MBOAT2: variants seen among roughly 807,000 people sequenced by gnomAD.
MBOAT2 encodes the protein membrane bound glycerophospholipid O-acyltransferase 2.
In MBOAT2, 28 loss-of-function variants were observed where a neutral mutation model predicts 63.4. The ratio of observed to expected loss-of-function variants is 0.44; its 90% CI spans 0.33 to 0.61. The LOEUF is 0.61. Ranked by LOEUF, MBOAT2 falls within the 20% of genes least tolerant of loss-of-function variation. The pLI, the probability that MBOAT2 is intolerant of heterozygous loss-of-function variation, is 0.03. For synonymous variants in MBOAT2, 211 were observed against 215.6 expected (o/e 0.98, Z 0.19); for missense variants, 470 against 605.8 (o/e 0.78, Z 2.35).
chr2:8,860,571 TAG>T (rs747462434), intron 12 of MBOAT2, 40 bp downstream of exon 12: 3 of 1,584,874 alleles, frequency 1.9e-6, no homozygotes, highest in South Asian at 1.2e-5. Flanking sequence ...CTTTTGAAAA[TAG>T]AGTTATTCCC....
intron 3 of MBOAT2, among the ~76,000 whole-genome samples, chr2:8,934,983 G>A (rs1326298785): frequency 6.6e-6 from 1 of 152,184 alleles, no homozygotes; most frequent in Non-Finnish European, 1.5e-5. Flanking sequence ...AGTGCTGTGA[G>A]TACCGGCAGA....
chr2:8,890,484 A>G (rs1341042957), intron 4 of MBOAT2, among the ~76,000 whole-genome samples: 3 of 152,314 alleles, frequency 2.0e-5, no homozygotes, highest in Non-Finnish European at 1.5e-5. Flanking sequence ...AATCTCCAGC[A>G]TGTAGCACAG....
chr2:8,889,338 T>A (rs756479247), intron 4 of MBOAT2, among the ~76,000 whole-genome samples: 8 of 152,262 alleles, frequency 5.3e-5, no homozygotes, highest in Non-Finnish European at 1.0e-4. Flanking sequence ...TTCACAGACC[T>A]GGGCCCTTGA....
At chr2:8,999,441 C>T (rs777405175) in intron 1 of MBOAT2, among the ~76,000 whole-genome samples, 29 of 152,070 alleles carry the variant, frequency 1.9e-4, no homozygotes, top group Non-Finnish European at 3.8e-4. Flanking sequence ...TTAGGCAAAT[C>T]GAATGTAATA....
At chr2:8,972,628 G>C (rs1452289987) in intron 1 of MBOAT2, among the ~76,000 whole-genome samples, 1 of 152,098 alleles carries the variant, frequency 6.6e-6, no homozygotes, top group Non-Finnish European at 1.5e-5. Flanking sequence ...ACCTGACAAA[G>C]GGCTAATATC....
intron 1 of MBOAT2, among the ~76,000 whole-genome samples, chr2:8,987,715 T>A (rs895471370): frequency 1.1e-4 from 16 of 152,156 alleles, no homozygotes; most frequent in African/African-American, 3.6e-4. Flanking sequence ...TTCAAACACC[T>A]ACACAAGGCA....
At chr2:8,921,009 T>C (rs1164145651) in intron 3 of MBOAT2, among the ~76,000 whole-genome samples, 1 of 152,184 alleles carries the variant, frequency 6.6e-6, no homozygotes, top group Non-Finnish European at 1.5e-5. Flanking sequence ...TGTGTTTTAC[T>C]GGTAGACAAC....
At chr2:8,939,084 T>G (rs1353558899) in intron 3 of MBOAT2, among the ~76,000 whole-genome samples, 2 of 152,172 alleles carry the variant, frequency 1.3e-5, no homozygotes, top group Non-Finnish European at 2.9e-5. Flanking sequence ...GTGTGATAAA[T>G]AAGACGAATG....
chr2:8,930,755 C>T (rs1394941284), intron 3 of MBOAT2, among the ~76,000 whole-genome samples: 4 of 151,582 alleles, frequency 2.6e-5, no homozygotes, highest in African/African-American at 9.7e-5. Flanking sequence ...AGGAGAGATA[C>T]CTAATGCTAA....
chr2:8,906,353 G>A (rs561629846), intron 4 of MBOAT2, among the ~76,000 whole-genome samples: 38 of 152,288 alleles, frequency 2.5e-4, no homozygotes, highest in Non-Finnish European at 3.4e-4. Flanking sequence ...ATGAGGCCAC[G>A]TGACTCATGC....
intron 1 of MBOAT2, chr2:8,974,381 G>A (rs1282712671): frequency 4.4e-6 from 2 of 456,472 alleles, no homozygotes; most frequent in East Asian, 7.0e-5. Context: ...GACTCTGCCA[G>A]GTACGTGAGA....
intron 1 of MBOAT2, among the ~76,000 whole-genome samples, chr2:8,969,796 G>A (rs535467513): frequency 2.1e-3 from 327 of 152,266 alleles, no homozygotes; most frequent in African/African-American, 7.4e-3. Context: ...ATGGTAAAGG[G>A]ATCAATTCAA....
At chr2:8,965,390 T>C (rs904887005) in intron 1 of MBOAT2, among the ~76,000 whole-genome samples, 1 of 152,146 alleles carries the variant, frequency 6.6e-6, no homozygotes, top group African/African-American at 2.4e-5. Flanking sequence ...TATCTCTACT[T>C]TAAAAGGAAA....
chr2:8,995,530 T>C (rs1392237462), intron 1 of MBOAT2, among the ~76,000 whole-genome samples: 1 of 152,232 alleles, frequency 6.6e-6, no homozygotes, highest in Non-Finnish European at 1.5e-5. Context: ...TACACTGCCT[T>C]ACGTTTTGGC....
Position 8,889,932 on chromosome 2 carries a change from T to A in MBOAT2, c.396-1859A>T, listed in dbSNP as rs568079601. Among the ~76,000 whole-genome samples the A allele has an allele frequency of 2.0e-5, 3 of 152,238 alleles. No homozygotes were observed. The South Asian group carries it at 6.2e-4, about 32-fold the overall frequency. On this transcript the variant is annotated intron_variant, in intron 4 of 12. Coordinates refer to ENST00000305997, the MANE Select transcript of MBOAT2 (RefSeq NM_138799.4). ...AAGGACACAGAAACTCTTATGAAAGTAAGCTGCGCTGGGAGGACGGGTGAC... is the reference window on the plus strand; with the variant it reads ...AAGGACACAGAAACTCTTATGAAAGAAAGCTGCGCTGGGAGGACGGGTGAC...
At chr2:8,954,122 T>C (rs181815759) in intron 2 of MBOAT2, among the ~76,000 whole-genome samples, 133 of 152,276 alleles carry the variant, frequency 8.7e-4, no homozygotes, top group Middle Eastern at 3.4e-3. Context: ...TTTTCCTTTT[T>C]CTCCCTTCTT....
chr2:8,875,064 G>A (rs1662609357), intron 7 of MBOAT2, among the ~76,000 whole-genome samples: 1 of 152,162 alleles, frequency 6.6e-6, no homozygotes, highest in South Asian at 2.1e-4. Context: ...TGTTTCAGCA[G>A]CCAAACCCAT....
At chr2:8,992,232 G>C (rs990470411) in intron 1 of MBOAT2, among the ~76,000 whole-genome samples, 1 of 152,124 alleles carries the variant, frequency 6.6e-6, no homozygotes, top group Admixed American at 6.5e-5. Context: ...TATTTATTGA[G>C]CACCCAGTAG....
intron 2 of MBOAT2, among the ~76,000 whole-genome samples, chr2:8,957,593 C>T (rs1669315091): frequency 6.6e-6 from 1 of 152,284 alleles, no homozygotes; most frequent in South Asian, 2.1e-4. Context: ...AGAAGCTCAT[C>T]AAAGTCCCAG....
Sources: gnomAD v4.1 joint callset for allele counts (sites outside exome capture counted in the v4.1 genomes callset) on GRCh38, gnomAD v4.1.1 for gene constraint, MANE v1.5 for transcripts, NCBI Gene and HGNC (gene_info 2026-07-23, HGNC 2026-07-21) for gene names.